The following PLCG2 variants were observed in gnomAD, a reference collection of about 807,000 sequenced individuals.
The protein encoded by PLCG2 is 1-phosphatidylinositol 4,5-bisphosphate phosphodiesterase gamma-2.
Under a neutral mutation model 175.6 loss-of-function variants are expected in PLCG2, and 69 were observed. That is an observed-to-expected ratio of 0.39 (90% CI 0.32 to 0.48). The LOEUF is 0.48. Among genes scored for constraint, PLCG2 ranks in the 20% least tolerant of loss-of-function variants. The pLI is 0.91. For synonymous variants in PLCG2, 827 were observed against 624.0 expected (o/e 1.33, Z -4.85); for missense variants, 1,798 against 1,650.9 (o/e 1.09, Z -1.54).
rs770283293 is a variant in PLCG2, at chr16:81,927,183, G to A, written c.2514+5G>A. ...TTCGAGGAGCTAGAAAAGCAGGTGA[G>A]TCCCCCTCTTCGATCCTCTTACAGG... On this transcript the variant is annotated splice_donor_5th_base_variant and intron_variant, in intron 23 of 32. Coordinates refer to ENST00000564138, the MANE Select transcript of PLCG2 (RefSeq NM_002661.5). 1 of 1,597,386 alleles carries A rather than the reference G, an allele frequency of 6.3e-7. No homozygotes were observed. The highest frequency in any genetic ancestry group is 8.6e-7 in the Non-Finnish European group (1 of 1,164,842).
chr16:81,769,909 G>T (rs1323780738), intron 2 of PLCG2, among the ~76,000 whole-genome samples: 1 of 150,900 alleles, frequency 6.6e-6, no homozygotes, highest in African/African-American at 2.4e-5. Flanking sequence ...CCTGCCGGTC[G>T]CTTAATGCCT....
At chr16:81,897,728 A>T (rs1034030974) in intron 13 of PLCG2, 3 of 389,646 alleles carry the variant, frequency 7.7e-6, no homozygotes, top group Non-Finnish European at 1.6e-5. Flanking sequence ...GTATTTTGGT[A>T]GAGATAGGGT....
chr16:81,860,558 C>T (rs1231344163), intron 5 of PLCG2, among the ~76,000 whole-genome samples: 2 of 152,190 alleles, frequency 1.3e-5, no homozygotes, highest in African/African-American at 2.4e-5. Flanking sequence ...CTTTGTTCAT[C>T]TGCAACCGAG....
At chr16:81,756,925 C>A (rs906686168) in intron 2 of PLCG2, among the ~76,000 whole-genome samples, 2 of 152,126 alleles carry the variant, frequency 1.3e-5, no homozygotes, top group African/African-American at 4.8e-5. Context: ...CGCCTCTACG[C>A]CTGTTTTTAG....
At chr16:81,870,758 C>A (rs1445398856) in intron 6 of PLCG2, 94 bp from the exon 7 acceptor site, 3 of 605,132 alleles carry the variant, frequency 5.0e-6, no homozygotes, top group African/African-American at 4.1e-5. Flanking sequence ...AAATAGCATG[C>A]CATTTCTGAA....
chr16:81,900,097 T>A (rs1240903610), intron 13 of PLCG2, among the ~76,000 whole-genome samples: 1 of 33,468 alleles, frequency 3.0e-5, no homozygotes, highest in African/African-American at 6.5e-5. Context: ...AAATAATAAA[T>A]GTATGCATGC....
chr16:81,957,904 G>C, intron 32 of PLCG2, 52 bp from the exon 33 acceptor site: 1 of 1,486,952 alleles, frequency 6.7e-7, no homozygotes, highest in Non-Finnish European at 9.4e-7. Flanking sequence ...AGTTCAGCAC[G>C]CAGCCCATTT....
At chr16:81,823,380 C>A (rs576755841) in intron 2 of PLCG2, among the ~76,000 whole-genome samples, 2 of 152,192 alleles carry the variant, frequency 1.3e-5, no homozygotes, top group Non-Finnish European at 2.9e-5. Context: ...TCTGGCCAGT[C>A]CCTGAAATGC....
At chr16:81,948,769 G>A (rs1175822267) in intron 31 of PLCG2, among the ~76,000 whole-genome samples, 1 of 152,162 alleles carries the variant, frequency 6.6e-6, no homozygotes, top group Admixed American at 6.5e-5. Context: ...GCTCCAAAGA[G>A]CAAAAACTGC....
chr16:81,877,589 G>T (rs997252698), intron 7 of PLCG2, among the ~76,000 whole-genome samples: 1 of 152,204 alleles, frequency 6.6e-6, no homozygotes, highest in African/African-American at 2.4e-5. Context: ...CATCTTTCAT[G>T]GCTTCTAGTG....
chr16:81,915,787 C>T (rs1019979327), intron 19 of PLCG2, among the ~76,000 whole-genome samples: 6 of 131,082 alleles, frequency 4.6e-5, no homozygotes, highest in African/African-American at 6.8e-5. Context: ...CACCCCAGAG[C>T]CCCCCTGCCT....
chr16:81,880,097 C>G (rs117950991), intron 7 of PLCG2, among the ~76,000 whole-genome samples: 11 of 152,086 alleles, frequency 7.2e-5, no homozygotes, highest in Admixed American at 7.2e-4. Flanking sequence ...AAATATTAGC[C>G]GGGCATGGTG....
chr16:81,917,524 G>A (rs1175976696), intron 19 of PLCG2, among the ~76,000 whole-genome samples: 2 of 152,000 alleles, frequency 1.3e-5, no homozygotes, highest in African/African-American at 4.8e-5. Context: ...CAGGTGCAGG[G>A]GTCCCCTTTT....
intron 9 of PLCG2, among the ~76,000 whole-genome samples, chr16:81,883,868 G>C (rs1459116085): frequency 6.6e-6 from 1 of 152,224 alleles, no homozygotes; most frequent in Non-Finnish European, 1.5e-5. Context: ...ATAGACTCAA[G>C]GGGGGGTTGT....
intron 2 of PLCG2, among the ~76,000 whole-genome samples, chr16:81,826,548 T>A (rs1200651795): frequency 6.6e-6 from 1 of 152,228 alleles, no homozygotes; most frequent in African/African-American, 2.4e-5. Context: ...AACAAGCACT[T>A]AGAATAACAC....
intron 1 of PLCG2, among the ~76,000 whole-genome samples, chr16:81,742,116 T>C (rs1055581277): frequency 7.9e-5 from 10 of 127,288 alleles, no homozygotes; most frequent in Admixed American, 6.6e-4. Context: ...CAGATTTTAA[T>C]TGTGGTACAA....
rs530499252 is a variant in PLCG2 at position 81,931,366 on chromosome 16, C to A, written c.2582-131C>A. ...CTTACCCCGATGGAAAGTAGACGTC[C>A]CCATCAGTGCTAACCGTGGTCATAG... On this transcript the variant is annotated intron_variant, in intron 24 of 32. Coordinates refer to ENST00000564138, the MANE Select transcript of PLCG2 (RefSeq NM_002661.5). The A allele has an allele frequency of 8.0e-6, 6 of 745,772 alleles. No individual in the cohort carries two copies. The South Asian group carries it at 9.6e-5, about 12-fold the overall frequency. 46.2% of individuals were successfully genotyped at this position (745,772 alleles called of 1,614,324 possible).
At chr16:81,952,467 T>C (rs1474625475) in intron 31 of PLCG2, among the ~76,000 whole-genome samples, 1 of 151,846 alleles carries the variant, frequency 6.6e-6, no homozygotes, top group East Asian at 1.9e-4. Context: ...TTTCCAGACA[T>C]GGGATAAATA....
intron 1 of PLCG2, among the ~76,000 whole-genome samples, chr16:81,749,517 T>C (rs1461905229): frequency 6.6e-6 from 1 of 152,052 alleles, no homozygotes; most frequent in Non-Finnish European, 1.5e-5. Flanking sequence ...CAAGCCCAGC[T>C]AATTATGTGT....
Sources: gnomAD v4.1 joint callset for allele counts (sites outside exome capture counted in the v4.1 genomes callset) on GRCh38, gnomAD v4.1.1 for gene constraint, MANE v1.5 for transcripts, NCBI Gene and HGNC (gene_info 2026-07-23, HGNC 2026-07-21) for gene names.